ECHDC3: variants seen among roughly 807,000 people sequenced by gnomAD.
ECHDC3 encodes enoyl-CoA hydratase domain-containing protein 3, mitochondrial.
ECHDC3 carries 20 observed loss-of-function variants against 17.9 expected under a neutral mutation model. The ratio of observed to expected loss-of-function variants is 1.12; its 90% CI spans 0.79 to 1.63. The LOEUF (loss-of-function observed/expected upper bound fraction) is 1.63. Ranked by LOEUF, ECHDC3 falls within the 40% of genes most tolerant of loss-of-function variation. The pLI, the probability that ECHDC3 is intolerant of heterozygous loss-of-function variation, is 0.00. For synonymous variants in ECHDC3, 177 were observed against 149.7 expected, an observed-to-expected ratio of 1.18 and a Z score of -1.33; for missense variants, 407 against 357.7, an observed-to-expected ratio of 1.14 and a Z score of -1.11.
At position 11,742,542 on chromosome 10, in the gene ECHDC3, G is replaced by T; in HGVS notation, c.-35G>T. On this transcript the variant is annotated 5_prime_UTR_variant, in exon 1 of 5. Transcript: ENST00000379215. ...CCCAGCACCTGCGGCCGGCCAGGCA[G>T]CGCGATCCTGCGGCGTCTGGCCATC... is the stretch of plus-strand genomic sequence containing the variant. 8.0e-7 allele frequency: 1 copy of T among 1,256,164 alleles called. No homozygotes were observed. 77.8% of individuals were successfully genotyped at this position (1,256,164 alleles called of 1,614,324 possible). A position where few individuals can be genotyped will look rare whatever the true frequency, so the allele number is the denominator to read the frequency against.
intron 4 of ECHDC3, among the ~76,000 whole-genome samples, chr10:11,759,678 G>A (rs1251148759): frequency 6.6e-6 from 1 of 152,174 alleles, no homozygotes; most frequent in Non-Finnish European, 1.5e-5. Flanking sequence ...TTGCCATTTG[G>A]GTGGCCTATG....
At chr10:11,755,225 C>A in intron 3 of ECHDC3, 183 bp from the exon 4 acceptor site, 1 of 551,554 alleles carries the variant, frequency 1.8e-6, no homozygotes, top group Non-Finnish European at 3.1e-6. Context: ...ACTCAGGAGG[C>A]TGAGGCAGGA....
At chr10:11,760,029 A>G (rs1832930124) in intron 4 of ECHDC3, among the ~76,000 whole-genome samples, 1 of 152,216 alleles carries the variant, frequency 6.6e-6, no homozygotes, top group South Asian at 2.1e-4. Flanking sequence ...CCTTGAGCTC[A>G]AACCAGGTCC....
intron 4 of ECHDC3, among the ~76,000 whole-genome samples, chr10:11,757,637 C>A (rs539874665): frequency 1.3e-5 from 2 of 152,260 alleles, no homozygotes; most frequent in African/African-American, 4.8e-5. Context: ...TGCCTGAAAG[C>A]GGTTCAGAGT....
In ECHDC3 at chr10:11,749,587, T is replaced by TC. The variant is rs765540589; in HGVS notation, c.387dup (p.Lys130GlnfsTer67). ...CCATGCCGAAGTATTTCAGACCTGT[T>TC]CCAAGGTAAGCCAAGACGACAGTCG... On this transcript the variant is annotated frameshift_variant, in exon 3 of 5. Transcript: ENST00000379215. LOFTEE classifies it high-confidence loss of function. The TC allele has an allele frequency of 6.2e-7, 1 of 1,614,042 alleles. No homozygotes were observed. Among genetic ancestry groups the TC allele is most frequent in the Admixed American group, 1.7e-5 (1 of 60,014 alleles).
At chr10:11,747,582 T>C in intron 2 of ECHDC3, 112 bp downstream of exon 2, 1 of 1,319,478 alleles carries the variant, frequency 7.6e-7, no homozygotes, top group South Asian at 1.3e-5. Context: ...TTGAAGCTCC[T>C]TTACAAGAAC....
intron 3 of ECHDC3, among the ~76,000 whole-genome samples, chr10:11,753,884 C>T (rs1161981800): frequency 6.6e-6 from 1 of 152,160 alleles, no homozygotes; most frequent in Non-Finnish European, 1.5e-5. Context: ...AAGCAATTCC[C>T]CTGCCTCAGC....
intron 3 of ECHDC3, among the ~76,000 whole-genome samples, chr10:11,754,451 T>G (rs762805048): frequency 3.7e-4 from 57 of 152,182 alleles, no homozygotes; most frequent in Non-Finnish European, 6.5e-4. Flanking sequence ...CATTAGCATA[T>G]TTTTGTCTCT....
intron 2 of ECHDC3, among the ~76,000 whole-genome samples, chr10:11,748,906 A>G (rs1057145397): frequency 2.0e-5 from 3 of 152,202 alleles, no homozygotes; most frequent in African/African-American, 4.8e-5. Context: ...AACAGCAACA[A>G]AAGGGAAGTA....
At position 11,749,503 on chromosome 10, in the gene ECHDC3, C is replaced by T. The variant is rs746889195; in HGVS notation, c.301C>T (p.Pro101Ser). The T allele has an allele frequency of 1.2e-5, 20 of 1,613,892 alleles. No homozygotes were observed. The African/African-American group carries it at 2.1e-4, about 17-fold the overall frequency. Residue 101 changes from proline (P) to serine (S), a missense_variant, in exon 3 of 5, where the codon CCT (proline) becomes TCT (serine). Pro to Ser is a moderately conservative substitution (Grantham distance 74). Transcript: ENST00000379215. ...LKVIIISAEG[P>S]VFSSGHDLKE... is the part of the protein sequence containing the mutation. ...ATTGGAAACATTTGCAGCTGAGGGG[C>T]CTGTGTTTTCTTCTGGGCATGACTT...
At chr10:11,750,652 A>G (rs7897456) in intron 3 of ECHDC3, among the ~76,000 whole-genome samples, 141,685 of 152,280 alleles carry the variant, frequency 0.93, 66,834 homozygotes, top group East Asian at 1. Context: ...TACCTGCAAG[A>G]CATTGAGGGA....
In ECHDC3 at chr10:11,755,448, C is replaced by G; in HGVS notation, c.431C>G (p.Ala144Gly). 6 of 1,614,102 alleles carry G rather than the reference C, an allele frequency of 3.7e-6. No homozygotes were observed. The highest frequency in any genetic ancestry group is 5.1e-6 in the Non-Finnish European group (6 of 1,179,986). ...CGGAACCACCCCGTTCCCGTCATTGCCATGGTCAATGGCCTGGCCGCGGCT... is the reference window on the plus strand; with the variant it reads ...CGGAACCACCCCGTTCCCGTCATTGGCATGGTCAATGGCCTGGCCGCGGCT... ...HIRNHPVPVIAMVNGLAAAAG... is the reference protein window; with the variant it reads ...HIRNHPVPVIGMVNGLAAAAG... The change falls in exon 4 of 5, where the codon GCC (alanine) becomes GGC (glycine). Residue 144 changes from alanine (A) to glycine (G), a missense_variant. Physicochemically the swap from Ala to Gly is moderately conservative, Grantham distance 60 (BLOSUM62 0). Coordinates refer to ENST00000379215, the MANE Select transcript of ECHDC3 (RefSeq NM_024693.5).
intron 2 of ECHDC3, among the ~76,000 whole-genome samples, chr10:11,748,911 G>C (rs1013593526): frequency 6.6e-6 from 1 of 152,202 alleles, no homozygotes; most frequent in Admixed American, 6.5e-5. Flanking sequence ...CAACAAAAGG[G>C]AAGTATGAGA....
At position 11,751,275 on chromosome 10, in the gene ECHDC3, C is replaced by T. The variant is rs1186249199; in HGVS notation, c.390+1683C>T. On this transcript the variant is annotated intron_variant, in intron 3 of 4. Coordinates refer to ENST00000379215, the MANE Select transcript of ECHDC3 (RefSeq NM_024693.5). ...CATGGGCCACAGGGGAGCAGGCCTT[C>T]TTCAGAGGATAAAGCCCAGATTTCT... Among the ~76,000 whole-genome samples, 4 of 152,152 alleles carry T rather than the reference C, an allele frequency of 2.6e-5. No individual in the cohort carries two copies. In the East Asian group the frequency reaches 7.7e-4, roughly 29 times the overall value.
At chr10:11,759,356 T>TAAAAAAAA (rs151106517) in intron 4 of ECHDC3, among the ~76,000 whole-genome samples, 1 of 127,404 alleles carries the variant, frequency 7.8e-6, no homozygotes, top group African/African-American at 3.4e-5. Context: ...CTCCATCTCT[T>TAAAAAAAA]AAAAAAAAAA....
chr10:11,753,291 G>GA (rs1832848217), intron 3 of ECHDC3, among the ~76,000 whole-genome samples: 1 of 152,168 alleles, frequency 6.6e-6, no homozygotes, highest in Admixed American at 6.5e-5. Flanking sequence ...GCTGAGGCAG[G>GA]AGAGTCACTT....
chr10:11,760,081 C>T lies in ECHDC3; in HGVS notation c.592-3143C>T, dbSNP rs538921695. Among the ~76,000 whole-genome samples the T allele has an allele frequency of 7.2e-5, 11 of 152,326 alleles. No individual in the cohort carries two copies. The South Asian group carries it at 1.4e-3, about 20-fold the overall frequency. The stretch of plus-strand genomic sequence containing the variant: ...CAAGCAAAATCTTCATAGTGACCTC[C>T]CTGATTTATGTCTGGCTCAGATGGA... On this transcript the variant is annotated intron_variant, in intron 4 of 4. Transcript: ENST00000379215.
At position 11,742,459 on chromosome 10, in the gene ECHDC3, A is replaced by ACCGTCGAGTT. The variant is rs961343355; in HGVS notation, c.-102_-93dup. The stretch of plus-strand genomic sequence containing the variant: ...AGGCGGTTCCGTCCGGGTCTCGGCC[A>ACCGTCGAGTT]CCGTCGAGTTCCGTCGAGTTCCGTC... On this transcript the variant is annotated 5_prime_UTR_variant, in exon 1 of 5. Coordinates refer to ENST00000379215, the MANE Select transcript of ECHDC3 (RefSeq NM_024693.5). The ACCGTCGAGTT allele has an allele frequency of 3.7e-5, 39 of 1,058,958 alleles. No homozygotes were observed. The highest frequency in any genetic ancestry group is 5.0e-5 in the African/African-American group (3 of 60,358). 65.6% of individuals were successfully genotyped at this position (1,058,958 alleles called of 1,614,324 possible).
chr10:11,749,681 T>G, intron 3 of ECHDC3, 89 bp downstream of exon 3: 1 of 1,304,906 alleles, frequency 7.7e-7, no homozygotes, highest in East Asian at 2.4e-5. Flanking sequence ...AGATAAGATT[T>G]TATCCATGAG....
Sources: gnomAD v4.1 joint callset for allele counts (sites outside exome capture counted in the v4.1 genomes callset) on GRCh38, gnomAD v4.1.1 for gene constraint, MANE v1.5 for transcripts, NCBI Gene and HGNC (gene_info 2026-07-23, HGNC 2026-07-21) for gene names.